The following TTC28 variants were observed in gnomAD, a reference collection of about 807,000 sequenced individuals.
TTC28 encodes the protein tetratricopeptide repeat protein 28.
A neutral mutation model predicts 198.0 loss-of-function variants in TTC28; 61 were observed. That is an observed-to-expected ratio of 0.31 (90% CI 0.25 to 0.38). The LOEUF (loss-of-function observed/expected upper bound fraction) is 0.38. TTC28 is among the 10% of genes least tolerant of loss of function. TTC28 has a pLI of 1.00. For missense variants in TTC28, 2,678 were observed against 3,164.0 expected (o/e 0.85, Z 3.69); for synonymous variants, 1,171 against 1,297.8 (o/e 0.90, Z 2.10).
chr22:28,262,053 T>C (rs1931358025), intron 5 of TTC28, among the ~76,000 whole-genome samples: 1 of 152,186 alleles, frequency 6.6e-6, no homozygotes, highest in African/African-American at 2.4e-5. Context: ...AGGCTTTAAA[T>C]GTCTATCCTT....
At chr22:28,538,913 G>A (rs1183372661) in intron 2 of TTC28, among the ~76,000 whole-genome samples, 3 of 152,106 alleles carry the variant, frequency 2.0e-5, no homozygotes, top group Non-Finnish European at 4.4e-5. Context: ...ATCAAAAAGT[G>A]AATATTTTAA....
intron 15 of TTC28, chr22:27,999,649 AG>A (rs906873001): frequency 2.6e-5 from 5 of 190,800 alleles, no homozygotes; most frequent in African/African-American, 9.4e-5. Flanking sequence ...CTGATAAGTC[AG>A]GGGCTTTGAA....
At chr22:28,531,154 C>T (rs2049129076) in intron 2 of TTC28, among the ~76,000 whole-genome samples, 1 of 152,164 alleles carries the variant, frequency 6.6e-6, no homozygotes, top group Admixed American at 6.5e-5. Context: ...GTGCTATATT[C>T]AGGAGACCCA....
At chr22:28,350,874 T>C (rs569681993) in intron 2 of TTC28, among the ~76,000 whole-genome samples, 178 of 152,308 alleles carry the variant, frequency 1.2e-3, no homozygotes, top group African/African-American at 4.0e-3. Context: ...TGAGAATCAC[T>C]GTTATAATCC....
chr22:28,475,344 C>CA (rs2048150016), intron 2 of TTC28, among the ~76,000 whole-genome samples: 1 of 152,044 alleles, frequency 6.6e-6, no homozygotes, highest in Non-Finnish European at 1.5e-5. Flanking sequence ...CTCACACCCA[C>CA]ACTCATACTG....
chr22:28,507,924 G>A lies in TTC28; in HGVS notation c.381+121628C>T, dbSNP rs546897501. Among the ~76,000 whole-genome samples, 8 of 152,274 alleles carry A rather than the reference G, an allele frequency of 5.3e-5. No homozygotes were observed. In the East Asian group the frequency reaches 9.7e-4, roughly 18 times the overall value. ...CTGAAGGAAGCACTAAATATGGAAA[G>A]GAAAACCACTACCAGCCACTACAAA... On this transcript the variant is annotated intron_variant, in intron 2 of 22. Coordinates refer to ENST00000397906, the MANE Select transcript of TTC28 (RefSeq NM_001145418.2).
At chr22:28,448,679 A>C (rs1378665997) in intron 2 of TTC28, among the ~76,000 whole-genome samples, 1 of 152,206 alleles carries the variant, frequency 6.6e-6, no homozygotes, top group African/African-American at 2.4e-5. Context: ...TCAAGGCCTC[A>C]CTTTGCTAGA....
chr22:28,639,516 T>C (rs2146232080), intron 1 of TTC28, among the ~76,000 whole-genome samples: 1 of 152,332 alleles, frequency 6.6e-6, no homozygotes, highest in Non-Finnish European at 1.5e-5. Flanking sequence ...TCATCTTGAA[T>C]TCCCATGTGT....
At chr22:28,476,170 T>C (rs2048163269) in intron 2 of TTC28, among the ~76,000 whole-genome samples, 1 of 152,220 alleles carries the variant, frequency 6.6e-6, no homozygotes, top group South Asian at 2.1e-4. Flanking sequence ...TGAGAAAATA[T>C]TATTCTTAAT....
intron 5 of TTC28, among the ~76,000 whole-genome samples, chr22:28,231,440 T>G (rs1255529985): frequency 6.6e-6 from 1 of 152,224 alleles, no homozygotes; most frequent in Non-Finnish European, 1.5e-5. Flanking sequence ...ATTTTTAAAT[T>G]TTAAGTCCAA....
chr22:28,028,437 C>T (rs1469109764), intron 13 of TTC28, among the ~76,000 whole-genome samples: 2 of 152,210 alleles, frequency 1.3e-5, no homozygotes, highest in Non-Finnish European at 2.9e-5. Context: ...AAGTGCACAG[C>T]ACCCCAAGCC....
chr22:28,572,162 C>T, intron 2 of TTC28, among the ~76,000 whole-genome samples: 1 of 149,738 alleles, frequency 6.7e-6, no homozygotes, highest in East Asian at 2.0e-4. Flanking sequence ...GATGAAACCC[C>T]ATCTCTACTG....
chr22:28,538,016 T>C (rs1299965967), intron 2 of TTC28, among the ~76,000 whole-genome samples: 1 of 152,116 alleles, frequency 6.6e-6, no homozygotes, highest in East Asian at 1.9e-4. Flanking sequence ...GACAGAATAA[T>C]GTATACAATA....
intron 5 of TTC28, among the ~76,000 whole-genome samples, chr22:28,172,491 C>T (rs1922777047): frequency 6.6e-6 from 1 of 152,214 alleles, no homozygotes; most frequent in African/African-American, 2.4e-5. Flanking sequence ...TGGTTTATGG[C>T]AACTCCAAAT....
chr22:28,335,314 CT>C (rs2045692700), intron 2 of TTC28, among the ~76,000 whole-genome samples: 1 of 152,140 alleles, frequency 6.6e-6, no homozygotes, highest in Non-Finnish European at 1.5e-5. Context: ...GTTCTTTTGG[CT>C]TAGGATTGAC....
rs201086494 is a variant in TTC28 at position 28,362,991 on chromosome 22, A to AC, written c.382-56349_382-56348insG. Reference sequence around the variant, plus strand: ...ACAAAAAACAACAACAACAACAACAAAAAACACATTTTCTGAGGAGAAATT... The same window carrying AC: ...ACAAAAAACAACAACAACAACAACAACAAAACACATTTTCTGAGGAGAAATT... On this transcript the variant is annotated intron_variant, in intron 2 of 22. Coordinates refer to ENST00000397906, the MANE Select transcript of TTC28 (RefSeq NM_001145418.2). 1.2e-4 allele frequency among the ~76,000 whole-genome samples: 18 copies of AC among 152,270 alleles called. No homozygotes were observed. In the East Asian group the frequency reaches 3.1e-3, roughly 26 times the overall value.
chr22:28,412,160 T>C (rs1475233083), intron 2 of TTC28, among the ~76,000 whole-genome samples: 1 of 152,180 alleles, frequency 6.6e-6, no homozygotes, highest in Admixed American at 6.5e-5. Context: ...AAAACTGCCT[T>C]CAGATATCTG....
rs554654996 is a variant in TTC28, at chr22:28,523,571, G to A, written c.381+105981C>T. On this transcript the variant is annotated intron_variant, in intron 2 of 22. Coordinates refer to ENST00000397906, the MANE Select transcript of TTC28 (RefSeq NM_001145418.2). ...GAGGAAAAAACCAGTATCTGAGAGC[G>A]TTCCATGTGCTTGGCCCTTTTTATA... is the stretch of plus-strand genomic sequence containing the variant. 1.3e-3 allele frequency among the ~76,000 whole-genome samples: 195 copies of A among 152,220 alleles called. 2 individuals carry two copies. Among genetic ancestry groups the A allele is most frequent in the African/African-American group, 4.3e-3 (178 of 41,522 alleles).
At chr22:28,533,092 G>A (rs577071939) in intron 2 of TTC28, among the ~76,000 whole-genome samples, 29 of 152,162 alleles carry the variant, frequency 1.9e-4, no homozygotes, top group Non-Finnish European at 2.9e-4. Context: ...AAGGGTATTC[G>A]ATTAGGAAAA....
Sources: allele counts gnomAD v4.1 joint callset (sites outside exome capture counted in the v4.1 genomes callset), GRCh38; gene constraint gnomAD v4.1.1; transcripts MANE v1.5; gene names NCBI Gene and HGNC (gene_info 2026-07-23, HGNC 2026-07-21).